The following GABRG3 variants were observed in gnomAD, a reference collection of about 807,000 sequenced individuals.
The protein encoded by GABRG3 is gamma-aminobutyric acid receptor subunit gamma-3.
Under a neutral mutation model 48.8 loss-of-function variants are expected in GABRG3, and 25 were observed. The observed-to-expected ratio is 0.51, with a 90% CI of 0.37 to 0.72. The LOEUF (loss-of-function observed/expected upper bound fraction) is 0.72, where lower values mean the gene tolerates loss of function less well. Among genes scored for constraint, GABRG3 ranks in the 30% least tolerant of loss-of-function variants. GABRG3 has a pLI of 0.00. For missense variants in GABRG3, 394 were observed against 577.9 expected, an observed-to-expected ratio of 0.68 and a Z score of 3.26; for synonymous variants, 227 against 217.6, an observed-to-expected ratio of 1.04 and a Z score of -0.38.
intron 3 of GABRG3, among the ~76,000 whole-genome samples, chr15:27,121,436 A>G (rs1008701389): frequency 3.3e-5 from 5 of 152,132 alleles, no homozygotes; most frequent in African/African-American, 1.2e-4. Context: ...ATCATGTCTA[A>G]TTTCCCTTTG....
intron 3 of GABRG3, among the ~76,000 whole-genome samples, chr15:27,027,847 C>A (rs1896011087): frequency 1.3e-5 from 2 of 152,200 alleles, no homozygotes; most frequent in South Asian, 4.1e-4. Context: ...ATTCAGTTGA[C>A]TGCTCAGAGT....
chr15:27,268,206 A>G (rs1890979552), intron 3 of GABRG3, among the ~76,000 whole-genome samples: 2 of 152,204 alleles, frequency 1.3e-5, no homozygotes, highest in South Asian at 2.1e-4. Context: ...TGAAATTTCA[A>G]TTTTAACATA....
intron 3 of GABRG3, among the ~76,000 whole-genome samples, chr15:27,211,820 A>G (rs2140435185): frequency 6.6e-6 from 1 of 152,294 alleles, no homozygotes; most frequent in Middle Eastern, 3.4e-3. Context: ...AATTACTGTC[A>G]TTTATCTGCA....
chr15:27,396,439 A>T (rs1887299404), intron 5 of GABRG3, among the ~76,000 whole-genome samples: 1 of 152,190 alleles, frequency 6.6e-6, no homozygotes, highest in South Asian at 2.1e-4. Context: ...GTGAATTAAA[A>T]CTAGATTGCA....
At chr15:27,458,273 G>A (rs2150834291) in intron 5 of GABRG3, among the ~76,000 whole-genome samples, 1 of 152,108 alleles carries the variant, frequency 6.6e-6, no homozygotes, top group East Asian at 1.9e-4. Flanking sequence ...ATATGACATC[G>A]CTCCATCCTC....
intron 3 of GABRG3, among the ~76,000 whole-genome samples, chr15:27,243,382 G>A (rs1015019528): frequency 6.6e-6 from 1 of 152,120 alleles, no homozygotes; most frequent in Non-Finnish European, 1.5e-5. Context: ...AGACTCAAAT[G>A]TAGGCAGGGG....
At chr15:27,509,241 T>C (rs1040166132) in intron 6 of GABRG3, among the ~76,000 whole-genome samples, 1 of 152,144 alleles carries the variant, frequency 6.6e-6, no homozygotes, top group African/African-American at 2.4e-5. Context: ...AAAATGTATC[T>C]TTTTTTCCCT....
At chr15:27,249,006 C>T (rs1029213456) in intron 3 of GABRG3, among the ~76,000 whole-genome samples, 3 of 151,986 alleles carry the variant, frequency 2.0e-5, no homozygotes, top group Non-Finnish European at 2.9e-5. Flanking sequence ...GCAAGGGAGA[C>T]CCACTGTTTG....
intron 3 of GABRG3, among the ~76,000 whole-genome samples, chr15:27,175,782 T>G (rs1300309328): frequency 6.6e-6 from 1 of 152,196 alleles, no homozygotes. Context: ...CTGACTTTTG[T>G]GCTAAGAATA....
chr15:27,170,351 G>T (rs943837363), intron 3 of GABRG3, among the ~76,000 whole-genome samples: 1 of 152,082 alleles, frequency 6.6e-6, no homozygotes, highest in Non-Finnish European at 1.5e-5. Context: ...ATGTTCTTTT[G>T]TAATAGATAC....
intron 7 of GABRG3, among the ~76,000 whole-genome samples, chr15:27,526,221 T>C (rs1891273718): frequency 6.6e-6 from 1 of 152,190 alleles, no homozygotes; most frequent in African/African-American, 2.4e-5. Context: ...CTACAAGCTG[T>C]CCACCCCATG....
intron 4 of GABRG3, 105 bp from the exon 5 acceptor site, chr15:27,328,701 G>T: frequency 1.2e-6 from 1 of 815,860 alleles, no homozygotes; most frequent in Non-Finnish European, 2.1e-6. Flanking sequence ...ATGCTGCCCT[G>T]GGTGACGGAA....
At chr15:27,488,784 G>A (rs951418780) in intron 6 of GABRG3, among the ~76,000 whole-genome samples, 3 of 152,118 alleles carry the variant, frequency 2.0e-5, no homozygotes, top group African/African-American at 7.2e-5. Flanking sequence ...TGAGACATAG[G>A]AGTGAAGATA....
rs190833614 is a variant in GABRG3 at position 27,256,258 on chromosome 15, T to C, written c.271-70551T>C. 4.2e-3 allele frequency among the ~76,000 whole-genome samples: 637 copies of C among 151,384 alleles called. 1 individual carries two copies. Among genetic ancestry groups the C allele is most frequent in the African/African-American group, 8.2e-3 (341 of 41,358 alleles). The stretch of plus-strand genomic sequence containing the variant: ...GAGATCAAGACCATCCTGGCTAACA[T>C]GGTGAAACCCGTCTCTACTAAAAAT... On this transcript the variant is annotated intron_variant, in intron 3 of 9. Transcript: ENST00000615808.
At chr15:27,243,185 T>C (rs1195240701) in intron 3 of GABRG3, among the ~76,000 whole-genome samples, 1 of 152,134 alleles carries the variant, frequency 6.6e-6, no homozygotes, top group African/African-American at 2.4e-5. Context: ...TTATAATCAC[T>C]AGAAAAATAA....
intron 5 of GABRG3, among the ~76,000 whole-genome samples, chr15:27,417,405 C>T (rs1887972098): frequency 6.6e-6 from 1 of 152,186 alleles, no homozygotes; most frequent in Admixed American, 6.5e-5. Context: ...GCTCCCAATC[C>T]TCCTTCTACC....
intron 2 of GABRG3, among the ~76,000 whole-genome samples, chr15:27,019,729 G>A (rs891790): frequency 0.39 from 59,206 of 151,808 alleles, 12,531 homozygotes; most frequent in African/African-American, 0.55. Context: ...ATGAGCCCCC[G>A]TTCCCCACCC....
At position 27,384,644 on chromosome 15, in the gene GABRG3, C is replaced by T. The variant is rs144177907; in HGVS notation, c.574+55756C>T. Among the ~76,000 whole-genome samples the T allele has an allele frequency of 7.2e-5, 11 of 152,132 alleles. No homozygotes were observed. The East Asian group carries it at 2.1e-3, about 29-fold the overall frequency. On this transcript the variant is annotated intron_variant, in intron 5 of 9. Transcript: ENST00000615808. ...CCTAATTATTTAGTAATATTCTGAG[C>T]CTTAGATCATCAGCACAAGTCTGAA...
At chr15:27,355,400 G>A (rs1220614235) in intron 5 of GABRG3, among the ~76,000 whole-genome samples, 1 of 152,198 alleles carries the variant, frequency 6.6e-6, no homozygotes, top group East Asian at 1.9e-4. Context: ...TAGGTCATGA[G>A]GGAAATGTAA....
Sources: gnomAD v4.1 joint callset for allele counts (sites outside exome capture counted in the v4.1 genomes callset) on GRCh38, gnomAD v4.1.1 for gene constraint, MANE v1.5 for transcripts, NCBI Gene and HGNC (gene_info 2026-07-23, HGNC 2026-07-21) for gene names.